Variants in DRC11 observed in about 807,000 individuals in gnomAD.
DRC11 encodes the protein IQ and AAA domain-containing protein 1.
chr2:236,436,362 T>C, the DRC11 span, among the ~76,000 whole-genome samples: 3 of 152,208 alleles, frequency 2.0e-5, no homozygotes, highest in East Asian at 5.8e-4. Flanking sequence ...GAGTTTTGTG[T>C]AGTTAAGTAT....
chr2:236,378,081 C>A, the DRC11 span, among the ~76,000 whole-genome samples: 1 of 151,954 alleles, frequency 6.6e-6, no homozygotes, highest in African/African-American at 2.4e-5. Flanking sequence ...TAAAAGATAC[C>A]CAAGAATATC....
chr2:236,375,020 AC>A, the DRC11 span, among the ~76,000 whole-genome samples: 1 of 151,896 alleles, frequency 6.6e-6, no homozygotes, highest in Non-Finnish European at 1.5e-5. This position sits in a 1 kb window ranked among gnomAD's most constrained non-coding sequence, Gnocchi z 4.2. Flanking sequence ...CTTTAAAATG[AC>A]CAGATCTCGT....
the DRC11 span, among the ~76,000 whole-genome samples, chr2:236,323,775 T>G: frequency 6.6e-6 from 1 of 152,246 alleles, no homozygotes; most frequent in Non-Finnish European, 1.5e-5. The surrounding 1 kb of genome is among the most constrained non-coding windows in gnomAD (Gnocchi z 6.4). Context: ...TTCCTCTGAC[T>G]GTGTTCTTAC....
the DRC11 span, among the ~76,000 whole-genome samples, chr2:236,357,068 A>ATATATATCTATATATTTTATATATTCG: frequency 1.4e-4 from 8 of 56,396 alleles, no homozygotes; most frequent in African/African-American, 7.2e-4. Context: ...TTATATATTC[A>ATATATATCTATATATTTTATATATTCG]TATATTATAT....
chr2:236,470,430 C>A, the DRC11 span, among the ~76,000 whole-genome samples: 2 of 152,096 alleles, frequency 1.3e-5, no homozygotes, highest in African/African-American at 4.8e-5. The surrounding 1 kb of genome is among the most constrained non-coding windows in gnomAD (Gnocchi z 5.1). Context: ...CCACGGCCCC[C>A]CTGGACACCT....
chr2:236,423,115 C>CATTA, the DRC11 span, among the ~76,000 whole-genome samples: 1 of 151,444 alleles, frequency 6.6e-6, no homozygotes, highest in African/African-American at 2.4e-5. Context: ...AAAACCTAGG[C>CATTA]ATTACCATTC....
the DRC11 span, among the ~76,000 whole-genome samples, chr2:236,421,790 T>C: frequency 1.3e-5 from 2 of 152,130 alleles, no homozygotes; most frequent in African/African-American, 2.4e-5. Flanking sequence ...TCCTTGAACA[T>C]TGATGTAAAA....
At chr2:236,474,398 CAGTGTAAGCTAGTA>C in the DRC11 span, among the ~76,000 whole-genome samples, 2 of 152,156 alleles carry the variant, frequency 1.3e-5, no homozygotes, top group African/African-American at 4.8e-5. Flanking sequence ...TGTATGGTAT[CAGTGTAAGCTAGTA>C]AGACTTTAGC....
chr2:236,340,879 G>A, the DRC11 span, among the ~76,000 whole-genome samples: 2 of 152,124 alleles, frequency 1.3e-5, no homozygotes, highest in Admixed American at 1.3e-4. Flanking sequence ...ATGAACAGGG[G>A]ACAGAAATTG....
chr2:236,411,850 A>T, the DRC11 span, among the ~76,000 whole-genome samples: 2 of 144,454 alleles, frequency 1.4e-5, no homozygotes, highest in East Asian at 4.3e-4. Context: ...GAACAATGAG[A>T]ACACATGGAC....
chr2:236,308,359 T>C, the DRC11 span, among the ~76,000 whole-genome samples: 1 of 152,238 alleles, frequency 6.6e-6, no homozygotes, highest in South Asian at 2.1e-4. The surrounding 1 kb of genome is among the most constrained non-coding windows in gnomAD (Gnocchi z 6.0). Context: ...TGTCCCCTGG[T>C]CTGTGATTTT....
the DRC11 span, among the ~76,000 whole-genome samples, chr2:236,468,630 A>T: frequency 6.6e-6 from 1 of 152,152 alleles, no homozygotes; most frequent in Non-Finnish European, 1.5e-5. Context: ...AAAATATCCA[A>T]TTCTTATGTC....
chr2:236,497,471 A>G, the DRC11 span: 1 of 1,608,610 alleles, frequency 6.2e-7, no homozygotes, highest in East Asian at 2.2e-5. This position sits in a 1 kb window ranked among gnomAD's most constrained non-coding sequence, Gnocchi z 5.1. Context: ...GTCTGATGCC[A>G]CATCTTATTA....
chr2:236,415,272 T>C, the DRC11 span, among the ~76,000 whole-genome samples: 4 of 152,166 alleles, frequency 2.6e-5, no homozygotes, highest in Admixed American at 6.5e-5. The surrounding 1 kb of genome is among the most constrained non-coding windows in gnomAD (Gnocchi z 5.7). Flanking sequence ...CTTGTCAAAA[T>C]AGTGAAAGAA....
the DRC11 span, among the ~76,000 whole-genome samples, chr2:236,356,954 T>C: frequency 4.8e-5 from 6 of 124,864 alleles, no homozygotes; most frequent in Non-Finnish European, 6.5e-5. Flanking sequence ...TATTCATATA[T>C]CATAAATATA....
chr2:236,507,331 G>A, the DRC11 span: 1 of 1,577,502 alleles, frequency 6.3e-7, no homozygotes. Flanking sequence ...TCTGAAGGAC[G>A]GTGGCAGCAG....
the DRC11 span, among the ~76,000 whole-genome samples, chr2:236,442,465 C>T: frequency 1.3e-5 from 2 of 152,208 alleles, no homozygotes; most frequent in African/African-American, 4.8e-5. Context: ...TGCTTTGATA[C>T]TACACCACAG....
the DRC11 span, chr2:236,419,339 T>A: frequency 4.7e-6 from 7 of 1,488,408 alleles, no homozygotes; most frequent in Non-Finnish European, 6.2e-6. This position sits in a 1 kb window ranked among gnomAD's most constrained non-coding sequence, Gnocchi z 4.8. Flanking sequence ...GTTTTCCCTG[T>A]CTGAAAGGAA....
the DRC11 span, among the ~76,000 whole-genome samples, chr2:236,467,577 C>T: frequency 6.6e-6 from 1 of 152,100 alleles, no homozygotes; most frequent in Non-Finnish European, 1.5e-5. Flanking sequence ...GTCACTATGG[C>T]GAACACTGTT....
Sources: allele counts gnomAD v4.1 joint callset (sites outside exome capture counted in the v4.1 genomes callset), GRCh38; gene constraint gnomAD v4.1.1; non-coding constraint Gnocchi (gnomAD v3.1); transcripts MANE v1.5; gene names NCBI Gene and HGNC (gene_info 2026-07-23, HGNC 2026-07-21).